The following KLHL1 variants were observed in gnomAD, a reference collection of about 807,000 sequenced individuals.
The protein encoded by KLHL1 is kelch-like protein 1.
Under a neutral mutation model 77.7 loss-of-function variants are expected in KLHL1, and 47 were observed. The ratio of observed to expected loss-of-function variants is 0.60; its 90% CI spans 0.48 to 0.77. KLHL1 has a LOEUF of 0.77. Ranked by LOEUF, KLHL1 falls within the 30% of genes least tolerant of loss-of-function variation. The pLI is 0.00. For synonymous variants in KLHL1, 360 were observed against 325.2 expected (o/e 1.11, Z -1.15); for missense variants, 925 against 910.8 (o/e 1.02, Z -0.20).
At chr13:69,981,479 A>G (rs1187836250) in intron 1 of KLHL1, among the ~76,000 whole-genome samples, 1 of 152,032 alleles carries the variant, frequency 6.6e-6, no homozygotes, top group African/African-American at 2.4e-5. Context: ...TCACTCTTAC[A>G]TACATAGATC....
intron 1 of KLHL1, among the ~76,000 whole-genome samples, chr13:70,027,929 C>T (rs990187539): frequency 6.6e-6 from 1 of 152,004 alleles, no homozygotes; most frequent in African/African-American, 2.4e-5. Context: ...ATTTGGTAAA[C>T]CTACTGTCTG....
intron 9 of KLHL1, among the ~76,000 whole-genome samples, chr13:69,713,144 A>G (rs1029042365): frequency 5.9e-5 from 9 of 152,094 alleles, no homozygotes; most frequent in African/African-American, 2.2e-4. Flanking sequence ...TAATTTTTTT[A>G]TATTGACTGA....
intron 4 of KLHL1, among the ~76,000 whole-genome samples, chr13:69,931,630 C>T (rs1038515142): frequency 2.0e-5 from 3 of 151,572 alleles, no homozygotes; most frequent in African/African-American, 7.3e-5. Flanking sequence ...AGTATGTGAC[C>T]TCTTTGTTGG....
At chr13:70,015,361 T>C (rs1189126296) in intron 1 of KLHL1, among the ~76,000 whole-genome samples, 1 of 152,138 alleles carries the variant, frequency 6.6e-6, no homozygotes, top group Admixed American at 6.5e-5. Context: ...AACATAAAAA[T>C]GGTAAACATA....
intron 5 of KLHL1, among the ~76,000 whole-genome samples, chr13:69,876,951 C>T (rs1357878946): frequency 4.6e-5 from 7 of 152,046 alleles, no homozygotes; most frequent in Non-Finnish European, 7.4e-5. Flanking sequence ...GCAGGAGAAT[C>T]GCTTGAACCT....
chr13:69,741,376 C>T (rs983466228), intron 7 of KLHL1, among the ~76,000 whole-genome samples: 1 of 152,016 alleles, frequency 6.6e-6, no homozygotes, highest in African/African-American at 2.4e-5. Flanking sequence ...CAATTTGAAG[C>T]CTGATTATAA....
intron 7 of KLHL1, among the ~76,000 whole-genome samples, chr13:69,747,865 T>C (rs1014775637): frequency 1.2e-4 from 18 of 151,920 alleles, no homozygotes; most frequent in African/African-American, 3.9e-4. Context: ...CTAGCTTTCA[T>C]AGAAATATGA....
Position 70,103,596 on chromosome 13 carries a change from G to A in KLHL1, c.497+3607C>T, listed in dbSNP as rs183891015. ...AAGAAGATCGTAGCTTAGATTAGGC[G>A]CAGACAATGGCTGTGAAGAGATGTG... On this transcript the variant is annotated intron_variant, in intron 1 of 10. Coordinates refer to ENST00000377844, the MANE Select transcript of KLHL1 (RefSeq NM_020866.3). 8.5e-5 allele frequency among the ~76,000 whole-genome samples: 13 copies of A among 152,200 alleles called. No individual in the cohort carries two copies. In the South Asian group the frequency reaches 1.0e-3, roughly 12 times the overall value.
intron 6 of KLHL1, among the ~76,000 whole-genome samples, chr13:69,797,531 C>A (rs1020211931): frequency 2.0e-5 from 3 of 151,934 alleles, no homozygotes; most frequent in Non-Finnish European, 4.4e-5. Flanking sequence ...TGGGGAAGAG[C>A]TTAGGCCAGG....
chr13:69,706,834 T>C (rs1210692702), intron 10 of KLHL1, among the ~76,000 whole-genome samples: 2 of 151,862 alleles, frequency 1.3e-5, no homozygotes, highest in Non-Finnish European at 2.9e-5. Context: ...GCAGCTAAGA[T>C]GTTTTTCACT....
At chr13:69,988,352 TC>T (rs1222550004) in intron 1 of KLHL1, among the ~76,000 whole-genome samples, 1 of 152,182 alleles carries the variant, frequency 6.6e-6, no homozygotes, top group African/African-American at 2.4e-5. Flanking sequence ...ATTGTCTTTA[TC>T]CAGCCTATGG....
At chr13:69,984,290 C>A (rs1441799628) in intron 1 of KLHL1, among the ~76,000 whole-genome samples, 1 of 152,072 alleles carries the variant, frequency 6.6e-6, no homozygotes, top group East Asian at 1.9e-4. Context: ...CCTTTAAAAT[C>A]GAGCTGCAGA....
rs1306724045 is a variant in KLHL1, at chr13:69,981,234, C to G, written c.498-5432G>C. On this transcript the variant is annotated intron_variant, in intron 1 of 10. Transcript: ENST00000377844. ...ACATTATGACAATACTAAAATTACA[C>G]TAAATATAGTAAATAAAATACATTT... Among the ~76,000 whole-genome samples the G allele has an allele frequency of 2.0e-5, 3 of 152,036 alleles. No individual in the cohort carries two copies. In the East Asian group the frequency reaches 5.8e-4, roughly 29 times the overall value.
chr13:69,833,445 T>TA (rs982761063), intron 6 of KLHL1, among the ~76,000 whole-genome samples: 39 of 129,042 alleles, frequency 3.0e-4, no homozygotes, highest in Admixed American at 9.9e-4. Context: ...TGTCAAAAAA[T>TA]AAAAAAAAAT....
At chr13:69,773,967 C>A (rs1353757835) in intron 7 of KLHL1, among the ~76,000 whole-genome samples, 1 of 151,490 alleles carries the variant, frequency 6.6e-6, no homozygotes, top group Admixed American at 6.6e-5. Flanking sequence ...AGTACCATAA[C>A]AAATTCAATG....
At chr13:70,031,725 A>G (rs189345570) in intron 1 of KLHL1, among the ~76,000 whole-genome samples, 8 of 152,324 alleles carry the variant, frequency 5.3e-5, no homozygotes, top group African/African-American at 1.9e-4. Flanking sequence ...CACAAAGGCT[A>G]TTTGATTGGA....
At chr13:69,719,203 TGTGTGTGAGAGAGAGAGAGA>T (rs1414622829) in intron 9 of KLHL1, among the ~76,000 whole-genome samples, 146 bp downstream of exon 9, 2 of 71,522 alleles carry the variant, frequency 2.8e-5, no homozygotes, top group Non-Finnish European at 5.9e-5. Flanking sequence ...TGTGTGTGTG[TGTGTGTGAGAGAGAGAGAGA>T]GAGAGAGAGA....
intron 1 of KLHL1, among the ~76,000 whole-genome samples, chr13:70,074,106 C>T (rs573190824): frequency 6.6e-6 from 1 of 152,196 alleles, no homozygotes; most frequent in East Asian, 1.9e-4. Context: ...GGATTACAGG[C>T]GTGAGCCACC....
At chr13:69,821,087 AT>A (rs1260007668) in intron 6 of KLHL1, among the ~76,000 whole-genome samples, 1 of 151,954 alleles carries the variant, frequency 6.6e-6, no homozygotes, top group Non-Finnish European at 1.5e-5. Context: ...TAAAATTTGA[AT>A]TTTAAAAAAA....
Sources: allele counts gnomAD v4.1 joint callset (sites outside exome capture counted in the v4.1 genomes callset), GRCh38; gene constraint gnomAD v4.1.1; transcripts MANE v1.5; gene names NCBI Gene and HGNC (gene_info 2026-07-23, HGNC 2026-07-21).